Variants in NEB observed in about 807,000 individuals in gnomAD.
NEB encodes nemaline myopathy type 2.
In NEB, 512 loss-of-function variants were observed where a neutral mutation model predicts 952.2. The ratio of observed to expected loss-of-function variants is 0.54; its 90% CI spans 0.50 to 0.58. The LOEUF (loss-of-function observed/expected upper bound fraction) is 0.58. Ranked by LOEUF, NEB falls within the 20% of genes least tolerant of loss-of-function variation. NEB has a pLI of 0.00. For synonymous variants in NEB, 2,900 were observed against 3,149.8 expected, an observed-to-expected ratio of 0.92 and a Z score of 2.66; for missense variants, 8,428 against 9,231.1, an observed-to-expected ratio of 0.91 and a Z score of 3.56.
chr2:151,546,569 T>G, intron 133 of NEB, 126 bp from the exon 134 acceptor site: 1 of 610,100 alleles, frequency 1.6e-6, no homozygotes, highest in South Asian at 2.1e-5. Flanking sequence ...TTTTTTTTTT[T>G]TTTTTTGAGA....
At chr2:151,534,286 CT>C in intron 142 of NEB, 1 of 1,613,658 alleles carries the variant, frequency 6.2e-7, no homozygotes, top group South Asian at 1.1e-5. Context: ...TGGTATTTAT[CT>C]TTCCGCTGCT....
At chr2:151,508,722 C>A (rs2153222056) in intron 161 of NEB, among the ~76,000 whole-genome samples, 1 of 152,328 alleles carries the variant, frequency 6.6e-6, no homozygotes, top group South Asian at 2.1e-4. Flanking sequence ...AACAGACACA[C>A]CTGGAGCACT....
chr2:151,642,928 C>T (rs1461021169), intron 58 of NEB, 59 bp from the exon 59 acceptor site: 2 of 1,367,504 alleles, frequency 1.5e-6, no homozygotes, highest in South Asian at 1.3e-5. Flanking sequence ...CACATGCAGA[C>T]AGTCTGATTT....
At chr2:151,554,731 C>G (rs2095536960) in intron 125 of NEB, among the ~76,000 whole-genome samples, 200 bp downstream of exon 125, 1 of 152,166 alleles carries the variant, frequency 6.6e-6, no homozygotes, top group Non-Finnish European at 1.5e-5. Context: ...TACACAAATA[C>G]TTGCCACTGT....
chr2:151,669,585 G>A (rs1427713284), intron 38 of NEB, among the ~76,000 whole-genome samples: 1 of 152,102 alleles, frequency 6.6e-6, no homozygotes, highest in Admixed American at 6.5e-5. Context: ...ACCTGAGGCT[G>A]GAAATGGCCT....
chr2:151,665,574 G>A (rs918513778), intron 41 of NEB, 35 bp from the exon 42 acceptor site: 2 of 1,494,974 alleles, frequency 1.3e-6, no homozygotes. Context: ...ATTTCAGAAA[G>A]AGTCAGGGCT....
At chr2:151,648,992 G>A (rs1432860669) in intron 54 of NEB, among the ~76,000 whole-genome samples, 1 of 152,130 alleles carries the variant, frequency 6.6e-6, no homozygotes, top group African/African-American at 2.4e-5. Context: ...CACACTGCTG[G>A]GGAGTCCTGT....
chr2:151,551,162 T>C (rs2095309341), intron 129 of NEB, among the ~76,000 whole-genome samples: 1 of 151,434 alleles, frequency 6.6e-6, no homozygotes, highest in African/African-American at 2.4e-5. Flanking sequence ...AGAGATGGGG[T>C]TTCACCATGT....
chr2:151,665,705 T>C (rs1393114402), intron 41 of NEB, among the ~76,000 whole-genome samples, 166 bp from the exon 42 acceptor site: 3 of 152,164 alleles, frequency 2.0e-5, no homozygotes, highest in African/African-American at 7.2e-5. Context: ...ATAAAAATAA[T>C]TGCATTCATA....
Position 151,643,923 on chromosome 2 carries a change from G to T in NEB, c.7851C>A (p.Thr2617=), listed in dbSNP as rs1553982484. The T allele has an allele frequency of 6.2e-7, 1 of 1,613,948 alleles. No homozygotes were observed. Among genetic ancestry groups the T allele is most frequent in the Non-Finnish European group, 8.5e-7 (1 of 1,179,824 alleles). ...TCTTGTAGTCCACGTCGCTGACTAA[G>T]GTCTGGCACTTCTTGGCCAACACCA... ...LGVVLAKKCQ[T]LVSDVDYKNY... The change falls in exon 57 of 182, where the codon ACC becomes ACA. Residue 2617 remains threonine (T), a synonymous_variant. Transcript: ENST00000397345.
At chr2:151,555,399 T>C (rs184527760) in intron 124 of NEB, among the ~76,000 whole-genome samples, 25 of 152,342 alleles carry the variant, frequency 1.6e-4, no homozygotes, top group Admixed American at 4.6e-4. Flanking sequence ...CTTGTGGTAA[T>C]GGCTTTGTTT....
At chr2:151,632,544 G>A (rs2098689854) in intron 65 of NEB, among the ~76,000 whole-genome samples, 1 of 151,890 alleles carries the variant, frequency 6.6e-6, no homozygotes, top group African/African-American at 2.4e-5. Flanking sequence ...GGGCAGGGAG[G>A]CAGCAGCCTG....
chr2:151,680,688 T>C, intron 30 of NEB, 42 bp downstream of exon 30: 1 of 1,350,070 alleles, frequency 7.4e-7, no homozygotes, highest in Admixed American at 1.9e-5. Flanking sequence ...TGTATTTGTA[T>C]TAGTTAACAT....
At chr2:151,545,518 T>C (rs1466973233) in intron 135 of NEB, among the ~76,000 whole-genome samples, 1 of 151,564 alleles carries the variant, frequency 6.6e-6, no homozygotes, top group African/African-American at 2.4e-5. Flanking sequence ...GAGGTTGCAG[T>C]GAGCCGAGAT....
At position 151,663,678 on chromosome 2, in the gene NEB, A is replaced by T; in HGVS notation, c.5633T>A (p.Val1878Glu). 6.2e-7 allele frequency: 1 copy of T among 1,613,778 alleles called. No homozygotes were observed. Among genetic ancestry groups the T allele is most frequent in the Non-Finnish European group, 8.5e-7 (1 of 1,179,786 alleles). The change falls in exon 45 of 182, where the codon GTG becomes GAG. Residue 1878 changes from valine (V) to glutamate (E), a missense_variant. Val to Glu is a moderately radical substitution (Grantham distance 121, BLOSUM62 -2). Coordinates refer to ENST00000397345, the MANE Select transcript of NEB (RefSeq NM_001164508.2). ...SFHTPVDMLSVVAAKKSQEVA... is the reference protein window; with the variant it reads ...SFHTPVDMLSEVAAKKSQEVA... ...TTCCTGAGACTTCTTGGCTGCCACCACACTGAGCATGTCCACCGGGGTGTG... is the reference window on the plus strand; with the variant it reads ...TTCCTGAGACTTCTTGGCTGCCACCTCACTGAGCATGTCCACCGGGGTGTG...
At chr2:151,625,068 A>G (rs1200527020) in intron 71 of NEB, among the ~76,000 whole-genome samples, 1 of 152,186 alleles carries the variant, frequency 6.6e-6, no homozygotes, top group Admixed American at 6.5e-5. Context: ...TATTAAACAA[A>G]TACTTTGCAC....
At chr2:151,544,345 G>A (rs1424509921) in intron 135 of NEB, among the ~76,000 whole-genome samples, 2 of 152,118 alleles carry the variant, frequency 1.3e-5, no homozygotes, top group Non-Finnish European at 2.9e-5. Context: ...TTATTACTTG[G>A]TAGCTGGAGG....
In NEB at chr2:151,551,837, G is replaced by A; in HGVS notation, c.19845C>T (p.Tyr6615=). The A allele has an allele frequency of 6.2e-7, 1 of 1,609,786 alleles. No homozygotes were observed. Among genetic ancestry groups the A allele is most frequent in the Non-Finnish European group, 8.5e-7 (1 of 1,177,264 alleles). The change falls in exon 129 of 182, where the codon TAC becomes TAT. Residue 6615 remains tyrosine, a synonymous_variant. Coordinates refer to ENST00000397345, the MANE Select transcript of NEB (RefSeq NM_001164508.2). Reference sequence around the variant, plus strand: ...TGACACTGTGCACATAGTCATAGTGGTAGACAGCCTGGTGCAGAAAGAAGC... The same window carrying A: ...TGACACTGTGCACATAGTCATAGTGATAGACAGCCTGGTGCAGAAAGAAGC... ...KSGKQLSDAV[Y]HYDYVHSVRG...
intron 36 of NEB, among the ~76,000 whole-genome samples, chr2:151,673,703 A>G (rs1252113365): frequency 6.7e-6 from 1 of 149,334 alleles, no homozygotes; most frequent in African/African-American, 2.5e-5. Flanking sequence ...TCTGCAGGGC[A>G]TGCATGCTTT....
Sources: gnomAD v4.1 joint callset for allele counts (sites outside exome capture counted in the v4.1 genomes callset) on GRCh38, gnomAD v4.1.1 for gene constraint, MANE v1.5 for transcripts, NCBI Gene and HGNC (gene_info 2026-07-23, HGNC 2026-07-21) for gene names.